The following CPEB3 variants were observed in gnomAD, a reference collection of about 807,000 sequenced individuals.
CPEB3 encodes the protein cytoplasmic polyadenylation element binding protein 3.
Under a neutral mutation model 67.2 loss-of-function variants are expected in CPEB3, and 20 were observed. The ratio of observed to expected loss-of-function variants is 0.30; its 90% CI spans 0.21 to 0.43. The LOEUF is 0.43. Ranked by LOEUF, CPEB3 falls within the 20% of genes least tolerant of loss-of-function variation. The pLI is 1.00. For synonymous variants in CPEB3, 376 were observed against 393.1 expected (o/e 0.96, Z 0.51); for missense variants, 746 against 968.6 (o/e 0.77, Z 3.05).
intron 7 of CPEB3, among the ~76,000 whole-genome samples, chr10:92,100,202 T>C (rs181578671): frequency 4.6e-4 from 70 of 152,212 alleles, no homozygotes; most frequent in Non-Finnish European, 1.5e-5. Context: ...TTGTTTTTGT[T>C]TTCCCCCCTT....
At chr10:92,133,344 C>G (rs1845933956) in intron 6 of CPEB3, among the ~76,000 whole-genome samples, 1 of 152,100 alleles carries the variant, frequency 6.6e-6, no homozygotes, top group Admixed American at 6.5e-5. Context: ...GATATCACCA[C>G]CGATCCCACA....
chr10:92,216,762 A>G (rs1850426114), intron 2 of CPEB3: 2 of 1,609,884 alleles, frequency 1.2e-6, no homozygotes, highest in African/African-American at 2.7e-5. Flanking sequence ...GAGTGCCTGG[A>G]GGAGGTGCAG....
intron 2 of CPEB3, among the ~76,000 whole-genome samples, chr10:92,201,389 A>T (rs1305042317): frequency 6.6e-6 from 1 of 152,162 alleles, no homozygotes; most frequent in Admixed American, 6.5e-5. Context: ...TTAGCCGGGC[A>T]TAGTGGCATG....
At chr10:92,269,139 A>G (rs1392855153) in intron 1 of CPEB3, among the ~76,000 whole-genome samples, 2 of 152,008 alleles carry the variant, frequency 1.3e-5, no homozygotes, top group African/African-American at 4.8e-5. Context: ...CTTGGGCAAG[A>G]CAGTTTTCCA....
chr10:92,075,577 AAAC>A (rs758284265), intron 9 of CPEB3, among the ~76,000 whole-genome samples: 5 of 152,236 alleles, frequency 3.3e-5, no homozygotes, highest in Non-Finnish European at 7.3e-5. Context: ...AAGCTGTTAC[AAAC>A]AACAACAAAA....
intron 4 of CPEB3, among the ~76,000 whole-genome samples, chr10:92,163,678 C>G (rs1847604394): frequency 6.6e-6 from 1 of 152,130 alleles, no homozygotes; most frequent in African/African-American, 2.4e-5. Context: ...TGGGGTTTGT[C>G]TTTAAATGCT....
intron 9 of CPEB3, among the ~76,000 whole-genome samples, chr10:92,075,674 G>A (rs1842906998): frequency 1.3e-5 from 2 of 152,038 alleles, no homozygotes; most frequent in Admixed American, 1.3e-4. Context: ...GGATAACAAA[G>A]ATAAATTAAA....
chr10:92,244,586 T>A (rs932543995), intron 1 of CPEB3, among the ~76,000 whole-genome samples: 2 of 150,870 alleles, frequency 1.3e-5, no homozygotes, highest in African/African-American at 4.9e-5. Flanking sequence ...TACAGGGGCA[T>A]GCCACCACGC....
intron 6 of CPEB3, chr10:92,137,586 G>T: frequency 2.8e-6 from 2 of 706,016 alleles, no homozygotes; most frequent in East Asian, 2.5e-5. Context: ...CCCTGGAGGG[G>T]GTCCACCAAT....
intron 2 of CPEB3, among the ~76,000 whole-genome samples, chr10:92,198,227 T>C (rs1434015165): frequency 6.6e-6 from 1 of 152,232 alleles, no homozygotes; most frequent in East Asian, 1.9e-4. Flanking sequence ...ACCGTGCTCT[T>C]AAGGATTCTC....
In CPEB3 at chr10:92,239,269, T is replaced by G; in HGVS notation, c.1005+77A>C. ...GCTGCCCTTTTTAAATATAAGCGGG[T>G]GGATGATTAAAAGTCAGAGAAGTGG... On this transcript the variant is annotated intron_variant, in intron 2 of 9. Transcript: ENST00000265997. The surrounding 1 kb of genome is among the most constrained non-coding windows in gnomAD (Gnocchi z 6.0). 2.0e-6 allele frequency: 3 copies of G among 1,466,334 alleles called. No homozygotes were observed. The highest frequency in any genetic ancestry group is 2.8e-6 in the Non-Finnish European group (3 of 1,076,586). 90.8% of individuals were successfully genotyped at this position (1,466,334 alleles called of 1,614,324 possible). A position where few individuals can be genotyped will look rare whatever the true frequency, so the allele number is the denominator to read the frequency against.
intron 6 of CPEB3, among the ~76,000 whole-genome samples, chr10:92,125,488 T>C (rs1454604633): frequency 6.6e-6 from 1 of 152,182 alleles, no homozygotes; most frequent in Non-Finnish European, 1.5e-5. Flanking sequence ...ATATTCTCTG[T>C]CCCACTATGA....
intron 4 of CPEB3, among the ~76,000 whole-genome samples, chr10:92,147,555 T>C (rs1388129072): frequency 6.6e-6 from 1 of 152,112 alleles, no homozygotes; most frequent in Non-Finnish European, 1.5e-5. Flanking sequence ...TATTCACCCA[T>C]ATTTCAGTGA....
chr10:92,124,324 A>T (rs1313300539), intron 6 of CPEB3, among the ~76,000 whole-genome samples: 2 of 152,210 alleles, frequency 1.3e-5, no homozygotes, highest in South Asian at 4.1e-4. Context: ...GAAAGCAAAG[A>T]CTAACTTTAT....
intron 2 of CPEB3, among the ~76,000 whole-genome samples, chr10:92,200,334 C>T (rs1403442635): frequency 6.6e-6 from 1 of 151,956 alleles, no homozygotes; most frequent in African/African-American, 2.4e-5. Context: ...CACCTGAGGT[C>T]GGGAGTTCGA....
intron 1 of CPEB3, among the ~76,000 whole-genome samples, chr10:92,273,246 T>G (rs897178210): frequency 6.6e-5 from 10 of 152,192 alleles, no homozygotes; most frequent in African/African-American, 2.4e-4. Context: ...ATTGTAAATA[T>G]GTGACTACTA....
At chr10:92,074,188 C>T (rs1842858880) in intron 9 of CPEB3, among the ~76,000 whole-genome samples, 1 of 152,068 alleles carries the variant, frequency 6.6e-6, no homozygotes, top group South Asian at 2.1e-4. Flanking sequence ...TCAAGCAGTC[C>T]TCCCAGCTCA....
rs56669812 is a variant in CPEB3, at chr10:92,108,138, G to A, written c.1572+2938C>T. 1.9e-3 allele frequency among the ~76,000 whole-genome samples: 294 copies of A among 152,298 alleles called. 1 individual carries two copies. Among genetic ancestry groups the A allele is most frequent in the African/African-American group, 6.7e-3 (277 of 41,580 alleles). ...CTGCAAGGTCATTTTAGAACATGGT[G>A]TATTTCCAAGAAGAAATCCAGGGAG... On this transcript the variant is annotated intron_variant, in intron 7 of 9. Coordinates refer to ENST00000265997, the MANE Select transcript of CPEB3 (RefSeq NM_014912.5).
chr10:92,145,635 C>CAAA (rs35889055), intron 4 of CPEB3, among the ~76,000 whole-genome samples: 1 of 74,716 alleles, frequency 1.3e-5, no homozygotes, highest in African/African-American at 3.8e-5. Flanking sequence ...AACTCAGTCT[C>CAAA]AAAAAAAAAA....
Sources: allele counts gnomAD v4.1 joint callset (sites outside exome capture counted in the v4.1 genomes callset), GRCh38; gene constraint gnomAD v4.1.1; non-coding constraint Gnocchi (gnomAD v3.1); transcripts MANE v1.5; gene names NCBI Gene and HGNC (gene_info 2026-07-23, HGNC 2026-07-21).